Variants in PTPRT observed in about 807,000 individuals in gnomAD.
The protein encoded by PTPRT is protein tyrosine phosphatase receptor type T.
In PTPRT, 56 loss-of-function variants were observed where a neutral mutation model predicts 176.8. The ratio of observed to expected loss-of-function variants is 0.32; its 90% CI spans 0.26 to 0.40. The LOEUF is 0.40. Ranked by LOEUF, PTPRT falls within the 10% of genes least tolerant of loss-of-function variation. The pLI, the probability that PTPRT is intolerant of heterozygous loss-of-function variation, is 1.00. For synonymous variants in PTPRT, 783 were observed against 739.0 expected (o/e 1.06, Z -0.96); for missense variants, 1,540 against 1,908.2 (o/e 0.81, Z 3.60).
chr20:42,115,413 T>G, intron 21 of PTPRT, 98 bp from the exon 22 acceptor site: 1 of 941,256 alleles, frequency 1.1e-6, no homozygotes, highest in Non-Finnish European at 1.7e-6. Flanking sequence ...GGTCGTCCCA[T>G]CCAAATAAAC....
chr20:43,174,655 G>A (rs1055577864), intron 1 of PTPRT, among the ~76,000 whole-genome samples: 1 of 152,018 alleles, frequency 6.6e-6, no homozygotes. Context: ...ACTCTTTTGG[G>A]TTTAGAAACC....
At position 43,114,773 on chromosome 20, in the gene PTPRT, T is replaced by C. The variant is rs1054103116; in HGVS notation, c.88+74873A>G. 5.3e-5 allele frequency among the ~76,000 whole-genome samples: 8 copies of C among 152,310 alleles called. No individual in the cohort carries two copies. The East Asian group carries it at 1.4e-3, about 26-fold the overall frequency. On this transcript the variant is annotated intron_variant, in intron 1 of 30. Coordinates refer to ENST00000373187, the MANE Select transcript of PTPRT (RefSeq NM_007050.6). ...CTCACCAGTGTTATTATTTATTAAA[T>C]GTCATTATTCATTAAAATCCTAATA...
At chr20:42,263,066 G>C (rs549745695) in intron 13 of PTPRT, among the ~76,000 whole-genome samples, 15 of 152,110 alleles carry the variant, frequency 9.9e-5, no homozygotes, top group African/African-American at 3.4e-4. Context: ...CAGTTTGAAC[G>C]GGTTACAGGA....
At chr20:42,678,385 C>T (rs2075545881) in intron 6 of PTPRT, among the ~76,000 whole-genome samples, 1 of 152,216 alleles carries the variant, frequency 6.6e-6, no homozygotes, top group South Asian at 2.1e-4. Flanking sequence ...ACTGCAACCT[C>T]TGCCTCCCTG....
At chr20:42,713,080 G>A (rs1272777836) in intron 6 of PTPRT, among the ~76,000 whole-genome samples, 3 of 151,490 alleles carry the variant, frequency 2.0e-5, no homozygotes, top group African/African-American at 7.3e-5. Flanking sequence ...ATATGATGGG[G>A]ATTTAATTTT....
chr20:43,000,360 A>C (rs1193304483), intron 1 of PTPRT, among the ~76,000 whole-genome samples: 1 of 152,212 alleles, frequency 6.6e-6, no homozygotes, highest in African/African-American at 2.4e-5. Context: ...TAAAGAAAAA[A>C]AAAGGCAGAA....
chr20:42,042,021 C>T, the PTPRT span, among the ~76,000 whole-genome samples: 723 of 152,274 alleles, frequency 4.7e-3, 3 homozygotes, highest in African/African-American at 0.016. Flanking sequence ...TAGGCCTACT[C>T]ATCTGCTGGT....
intron 1 of PTPRT, among the ~76,000 whole-genome samples, chr20:43,083,120 G>T (rs993928934): frequency 2.6e-5 from 4 of 151,716 alleles, no homozygotes; most frequent in African/African-American, 7.3e-5. Context: ...TTGTATCACT[G>T]GTGGGCTGTC....
chr20:42,290,439 C>T (rs1230739773), intron 12 of PTPRT, among the ~76,000 whole-genome samples: 1 of 151,948 alleles, frequency 6.6e-6, no homozygotes, highest in African/African-American at 2.4e-5. Context: ...CTCTCTGTCC[C>T]TTTCTGTGGC....
rs1454235677 is a variant in PTPRT at position 42,118,423 on chromosome 20, T to G, written c.2962A>C (p.Asn988His). The G allele has an allele frequency of 6.2e-7, 1 of 1,612,968 alleles. No individual in the cohort carries two copies. Among genetic ancestry groups the G allele is most frequent in the African/African-American group, 1.3e-5 (1 of 75,004 alleles). ...CTTACCCTGCCCACTTCCACCAGGT[T>G]TGTGACCATGACGATGCTGGCGGAG... ...ENSASIVMVT[N>H]LVEVGRVKCV... The change falls in exon 21 of 31, where the codon AAC (asparagine) becomes CAC (histidine). Residue 988 changes from asparagine to histidine, a missense_variant. By Grantham distance (68) the Asn-to-His change is moderately conservative. Coordinates refer to ENST00000373187, the MANE Select transcript of PTPRT (RefSeq NM_007050.6).
At chr20:42,844,065 C>T (rs930599337) in intron 2 of PTPRT, among the ~76,000 whole-genome samples, 1 of 152,202 alleles carries the variant, frequency 6.6e-6, no homozygotes, top group Non-Finnish European at 1.5e-5. Flanking sequence ...GACATGGGAA[C>T]AACATTTACG....
At chr20:42,465,840 T>G (rs2071093155) in intron 8 of PTPRT, among the ~76,000 whole-genome samples, 1 of 152,210 alleles carries the variant, frequency 6.6e-6, no homozygotes, top group Non-Finnish European at 1.5e-5. Context: ...GGTAAATGCA[T>G]GCCATGGTAG....
At chr20:43,006,684 G>A (rs999327396) in intron 1 of PTPRT, among the ~76,000 whole-genome samples, 1 of 152,168 alleles carries the variant, frequency 6.6e-6, no homozygotes, top group Non-Finnish European at 1.5e-5. Context: ...CCAGATAAGT[G>A]AAATCATCTG....
At chr20:42,890,229 G>T (rs2079169836) in intron 1 of PTPRT, among the ~76,000 whole-genome samples, 1 of 152,106 alleles carries the variant, frequency 6.6e-6, no homozygotes, top group Admixed American at 6.6e-5. Context: ...ACTCCCTATT[G>T]GTCTGACTTG....
At chr20:42,250,709 T>C (rs895775985) in intron 13 of PTPRT, among the ~76,000 whole-genome samples, 5 of 152,194 alleles carry the variant, frequency 3.3e-5, no homozygotes, top group Non-Finnish European at 7.4e-5. Flanking sequence ...TGAGGGTGAG[T>C]GAACCACAGT....
At chr20:42,245,402 A>G (rs1235017121) in intron 14 of PTPRT, among the ~76,000 whole-genome samples, 1 of 152,168 alleles carries the variant, frequency 6.6e-6, no homozygotes, top group African/African-American at 2.4e-5. Flanking sequence ...TCTCTTTCAA[A>G]CTATAAGAGA....
intron 2 of PTPRT, among the ~76,000 whole-genome samples, chr20:42,876,115 C>T (rs1162207674): frequency 6.6e-6 from 1 of 152,052 alleles, no homozygotes; most frequent in African/African-American, 2.4e-5. Flanking sequence ...GATATTTAGG[C>T]TAACTGTAAT....
chr20:42,338,024 C>A (rs1388520935), intron 11 of PTPRT, among the ~76,000 whole-genome samples: 1 of 152,176 alleles, frequency 6.6e-6, no homozygotes, highest in Non-Finnish European at 1.5e-5. Flanking sequence ...AAGATGACTA[C>A]CTTTTCCATC....
chr20:42,794,667 C>T (rs181036968), intron 2 of PTPRT, among the ~76,000 whole-genome samples: 11 of 152,290 alleles, frequency 7.2e-5, no homozygotes, highest in Non-Finnish European at 1.3e-4. Context: ...AGGGAATAAA[C>T]TATTATTCAG....
Sources: allele counts gnomAD v4.1 joint callset (sites outside exome capture counted in the v4.1 genomes callset), GRCh38; gene constraint gnomAD v4.1.1; transcripts MANE v1.5; gene names NCBI Gene and HGNC (gene_info 2026-07-23, HGNC 2026-07-21).